KAT6B: variants seen among roughly 807,000 people sequenced by gnomAD.
KAT6B encodes lysine acetyltransferase 6B, also known as histone acetyltransferase KAT6B.
KAT6B carries 10 observed loss-of-function variants against 187.5 expected under a neutral mutation model. That is an observed-to-expected ratio of 0.05 (90% CI 0.03 to 0.09). The LOEUF (loss-of-function observed/expected upper bound fraction) is 0.09, where lower values mean the gene tolerates loss of function less well. Among genes scored for constraint, KAT6B ranks in the 10% least tolerant of loss-of-function variants. The pLI, the probability that KAT6B is intolerant of heterozygous loss-of-function variation, is 1.00. For missense variants in KAT6B, 1,952 were observed against 2,558.9 expected, an observed-to-expected ratio of 0.76 and a Z score of 5.12; for synonymous variants, 861 against 926.8, an observed-to-expected ratio of 0.93 and a Z score of 1.29.
At chr10:74,825,361 G>A (rs1313696021), upstream of KAT6B, among the ~76,000 whole-genome samples, 1 of 150,822 alleles carries the variant, frequency 6.6e-6, no homozygotes, top group Non-Finnish European at 1.5e-5. The surrounding 1 kb of genome is among the most constrained non-coding windows in gnomAD (Gnocchi z 5.0). Flanking sequence ...GCGGAGGCAG[G>A]TACCCCCGGG....
chr10:75,027,776 T>G (rs370160330), intron 17 of KAT6B, among the ~76,000 whole-genome samples: 1 of 152,294 alleles, frequency 6.6e-6, no homozygotes, highest in East Asian at 1.9e-4. Flanking sequence ...TGATCCAGAA[T>G]TCAGTGTGGA....
At chr10:75,017,138 C>T (rs1845034534) in intron 13 of KAT6B, among the ~76,000 whole-genome samples, 1 of 151,122 alleles carries the variant, frequency 6.6e-6, no homozygotes, top group Non-Finnish European at 1.5e-5. Flanking sequence ...GCTGGGATTA[C>T]AGGCATGAGC....
intron 3 of KAT6B, among the ~76,000 whole-genome samples, chr10:74,850,988 A>G (rs1325237567): frequency 6.6e-6 from 1 of 152,240 alleles, no homozygotes; most frequent in South Asian, 2.1e-4. Flanking sequence ...TTTCAGTATC[A>G]AGTAGGGCTT....
rs549035050 is a variant in KAT6B at position 74,841,581 on chromosome 10, T to TA, written c.-258-1011dup. On this transcript the variant is annotated intron_variant, in intron 2 of 17. Coordinates refer to ENST00000287239, the MANE Select transcript of KAT6B (RefSeq NM_012330.4). ...CTCTATCTCAAAAAAAAAAAATTAA[T>TA]AAAAAAAATTAATGATGTTCGACCC... is the stretch of plus-strand genomic sequence containing the variant. Among the ~76,000 whole-genome samples, 14 of 151,664 alleles carry TA rather than the reference T, an allele frequency of 9.2e-5. No homozygotes were observed. In the East Asian group the frequency reaches 2.5e-3, roughly 27 times the overall value.
At position 75,028,886 on chromosome 10, in the gene KAT6B, AGAGGAGGAG is replaced by A. The variant is rs367634881; in HGVS notation, c.4071_4079del (p.Glu1366_Glu1368del). The A allele has an allele frequency of 1.1e-5, 17 of 1,609,538 alleles. No homozygotes were observed. The highest frequency in any genetic ancestry group is 4.1e-5 in the African/African-American group (3 of 72,420). ...ATCTCATCAAACCTGAGGAAGAGGAAGAGGAGGAGGAGGAGGAAGAGGAAGAAGAGGAAG... is the reference window on the plus strand; with the variant it reads ...ATCTCATCAAACCTGAGGAAGAGGAAGAGGAGGAAGAGGAAGAAGAGGAAG... On this transcript the variant is annotated inframe_deletion, in exon 18 of 18. Transcript: ENST00000287239.
At chr10:74,830,769 T>TA (rs58702000) in intron 1 of KAT6B, among the ~76,000 whole-genome samples, 196 of 7,638 alleles carry the variant, frequency 0.026, 2 homozygotes, top group Non-Finnish European at 0.032. Flanking sequence ...TATATATATA[T>TA]TTTTTTTTTT....
At chr10:74,957,977 G>T (rs1840807002) in intron 3 of KAT6B, among the ~76,000 whole-genome samples, 1 of 152,116 alleles carries the variant, frequency 6.6e-6, no homozygotes, top group Non-Finnish European at 1.5e-5. Flanking sequence ...TTTAACTGGG[G>T]CTACAGAAAT....
At chr10:74,910,345 T>G (rs1847112601) in intron 3 of KAT6B, among the ~76,000 whole-genome samples, 1 of 152,148 alleles carries the variant, frequency 6.6e-6, no homozygotes, top group South Asian at 2.1e-4. Context: ...AATAATGGCA[T>G]GAAAAGAATT....
In KAT6B at chr10:74,853,288, AT is replaced by A. The variant is rs1159016853; in HGVS notation, c.621+9821del. On this transcript the variant is annotated intron_variant, in intron 3 of 17. Transcript: ENST00000287239. ...AGGTGTGCACCACCTTGTCTGGCTA[AT>A]TTTTTTTTTTCTTTTTTTTGAGACA... 4.9e-3 allele frequency among the ~76,000 whole-genome samples: 620 copies of A among 126,084 alleles called. 1 individual carries two copies. Among genetic ancestry groups the A allele is most frequent in the African/African-American group, 0.016 (539 of 33,810 alleles). The allele number at this position is 126,084 out of a possible 152,430, so 82.7% of individuals were successfully genotyped here.
intron 3 of KAT6B, among the ~76,000 whole-genome samples, chr10:74,847,986 A>G (rs1477070469): frequency 1.3e-5 from 2 of 148,808 alleles, no homozygotes; most frequent in African/African-American, 5.0e-5. Context: ...TGGCACAATC[A>G]TGGCCCACTG....
At chr10:75,011,228 TAA>T (rs1164144142) in intron 13 of KAT6B, among the ~76,000 whole-genome samples, 2 of 152,236 alleles carry the variant, frequency 1.3e-5, no homozygotes, top group Non-Finnish European at 1.5e-5. Context: ...TGCCTATTTA[TAA>T]GAGAGGAAAT....
chr10:74,853,281 C>T (rs925402256), intron 3 of KAT6B, among the ~76,000 whole-genome samples: 1 of 150,920 alleles, frequency 6.6e-6, no homozygotes, highest in Non-Finnish European at 1.5e-5. Context: ...ACCACCTTGT[C>T]TGGCTAATTT....
chr10:75,018,228 G>T (rs564143732), intron 13 of KAT6B, among the ~76,000 whole-genome samples: 2 of 152,336 alleles, frequency 1.3e-5, no homozygotes, highest in East Asian at 3.9e-4. Flanking sequence ...CACAGTGCAA[G>T]GGTGTTTGCT....
chr10:74,921,736 A>G lies in KAT6B; in HGVS notation c.622-38234A>G, dbSNP rs144278945. 5.1e-4 allele frequency among the ~76,000 whole-genome samples: 77 copies of G among 152,178 alleles called. No homozygotes were observed. In the East Asian group the frequency reaches 0.013, roughly 25 times the overall value. The stretch of plus-strand genomic sequence containing the variant: ...TATTGGTTTTTGTGTCCTTTTGGCA[A>G]TTTTCTAGTGGCTGCTTGAACTATT... On this transcript the variant is annotated intron_variant, in intron 3 of 17. Transcript: ENST00000287239.
upstream of KAT6B, among the ~76,000 whole-genome samples, chr10:74,825,218 T>C (rs947470163): frequency 1.3e-5 from 2 of 152,090 alleles, no homozygotes; most frequent in Non-Finnish European, 2.9e-5. This position sits in a 1 kb window ranked among gnomAD's most constrained non-coding sequence, Gnocchi z 5.0. Flanking sequence ...TGGGGACGCG[T>C]TGGCGAGGAC....
intron 3 of KAT6B, among the ~76,000 whole-genome samples, chr10:74,924,104 C>T (rs1156624404): frequency 9.2e-5 from 14 of 152,126 alleles, no homozygotes; most frequent in Non-Finnish European, 1.8e-4. Context: ...ATGGAGTTAT[C>T]TATCACTGAG....
chr10:74,961,146 C>A (rs1446264384), intron 4 of KAT6B, among the ~76,000 whole-genome samples: 5 of 152,062 alleles, frequency 3.3e-5, no homozygotes, highest in Non-Finnish European at 5.9e-5. Flanking sequence ...CATTAAAATT[C>A]TTTTACCTGG....
rs559218159 is a variant in KAT6B at position 74,956,098 on chromosome 10, A to G, written c.622-3872A>G. 4.6e-5 allele frequency among the ~76,000 whole-genome samples: 7 copies of G among 151,946 alleles called. No homozygotes were observed. In the East Asian group the frequency reaches 9.7e-4, roughly 21 times the overall value. ...GCCACCATGCCTGCCTAATTTTTTT[A>G]TTTTGTAGAGCTGGGGTCTCCCCGT... On this transcript the variant is annotated intron_variant, in intron 3 of 17. Transcript: ENST00000287239.
At chr10:74,902,947 A>G (rs577525533) in intron 3 of KAT6B, among the ~76,000 whole-genome samples, 1 of 152,198 alleles carries the variant, frequency 6.6e-6, no homozygotes, top group Non-Finnish European at 1.5e-5. Context: ...TTTCTGCTTA[A>G]TTTTTATGAA....
Sources: gnomAD v4.1 joint callset for allele counts (sites outside exome capture counted in the v4.1 genomes callset) on GRCh38, gnomAD v4.1.1 for gene constraint, Gnocchi (gnomAD v3.1) non-coding constraint, MANE v1.5 for transcripts, NCBI Gene and HGNC (gene_info 2026-07-23, HGNC 2026-07-21) for gene names.